Variants in ESRRG observed in about 807,000 individuals in gnomAD.
The protein encoded by ESRRG is estrogen related receptor gamma.
ESRRG carries 13 observed loss-of-function variants against 44.0 expected under a neutral mutation model. That is an observed-to-expected ratio of 0.30 (90% CI 0.19 to 0.47). The LOEUF (loss-of-function observed/expected upper bound fraction) is 0.47. ESRRG is among the 20% of genes least tolerant of loss of function. The pLI is 1.00. For missense variants in ESRRG, 395 were observed against 580.6 expected (o/e 0.68, Z 3.29); for synonymous variants, 215 against 214.6 (o/e 1.00, Z -0.02).
At chr1:216,842,957 A>G (rs2095675947) in intron 2 of ESRRG, among the ~76,000 whole-genome samples, 1 of 152,174 alleles carries the variant, frequency 6.6e-6, no homozygotes, top group South Asian at 2.1e-4. Context: ...TATGAGATAT[A>G]TATCATCAAA....
Position 216,833,758 on chromosome 1 carries a change from GT to G in ESRRG, c.-14+105823del. ...ATATATCACTGTTCATCTGAAAAGT[GT>G]TCTTCAGAGATTTTGCTGGGGAAAA... On this transcript the variant is annotated intron_variant, in intron 2 of 7. Transcript: ENST00000359162. 2.0e-5 allele frequency among the ~76,000 whole-genome samples: 3 copies of G among 152,320 alleles called. No individual in the cohort carries two copies. The East Asian group carries it at 5.8e-4, about 29-fold the overall frequency.
chr1:216,697,706 A>G (rs1299952648), intron 1 of ESRRG, among the ~76,000 whole-genome samples: 1 of 152,246 alleles, frequency 6.6e-6, no homozygotes, highest in Non-Finnish European at 1.5e-5. Context: ...ACGAGGTTAG[A>G]GCCCTCCATC....
At chr1:217,127,252 A>G (rs1310420267) in intron 1 of ESRRG, among the ~76,000 whole-genome samples, 1 of 152,280 alleles carries the variant, frequency 6.6e-6, no homozygotes, top group Non-Finnish European at 1.5e-5. Context: ...TTCTATGTTT[A>G]TTATTGCCTT....
intron 2 of ESRRG, among the ~76,000 whole-genome samples, chr1:216,762,569 TG>T (rs2092845637): frequency 1.3e-5 from 1 of 78,828 alleles, no homozygotes; most frequent in Non-Finnish European, 2.6e-5. Context: ...GTGGGGGGAG[TG>T]GGGAGGGATA....
intron 2 of ESRRG, among the ~76,000 whole-genome samples, chr1:216,803,572 CA>C (rs2094691141): frequency 6.6e-6 from 1 of 152,070 alleles, no homozygotes; most frequent in African/African-American, 2.4e-5. Context: ...TTTGTCTAGA[CA>C]TTTTTTTAGC....
chr1:216,779,234 TAAATA>T (rs1483517959), intron 2 of ESRRG, among the ~76,000 whole-genome samples: 47 of 67,068 alleles, frequency 7.0e-4, no homozygotes, highest in East Asian at 5.3e-3. Context: ...TTTATAAATA[TAAATA>T]TATATTTATA....
Position 216,537,254 on chromosome 1 carries a change from T to C in ESRRG, c.863-17833A>G, listed in dbSNP as rs115759207. Among the ~76,000 whole-genome samples the C allele has an allele frequency of 3.3e-3, 507 of 152,086 alleles. 3 individuals carry two copies. The highest frequency in any genetic ancestry group is 0.014 in the South Asian group (68 of 4,806). ...TTTGCCCCTTCTCCATAACAGAGCA[T>C]GGTGAGAAGAGAGCCATCTATGAAA... On this transcript the variant is annotated intron_variant, in intron 5 of 6. Transcript: ENST00000408911.
intron 2 of ESRRG, among the ~76,000 whole-genome samples, chr1:216,859,252 G>A (rs773937154): frequency 6.6e-6 from 1 of 152,148 alleles, no homozygotes; most frequent in African/African-American, 2.4e-5. Context: ...ATCTCTAAGA[G>A]ATTAGAAACA....
chr1:216,976,632 T>C (rs1456512459), intron 1 of ESRRG, among the ~76,000 whole-genome samples: 5 of 152,162 alleles, frequency 3.3e-5, no homozygotes, highest in African/African-American at 1.2e-4. Context: ...AGCATTCATC[T>C]CTTCATTTAC....
intron 1 of ESRRG, among the ~76,000 whole-genome samples, chr1:216,722,461 C>T (rs1406009790): frequency 1.4e-5 from 2 of 144,386 alleles, no homozygotes; most frequent in African/African-American, 5.1e-5. Context: ...ATAAAGATAT[C>T]CATAAATACT....
At position 216,900,524 on chromosome 1, in the gene ESRRG, T is replaced by C. The variant is rs576808673; in HGVS notation, c.-14+39058A>G. ...TATCTGGTGTGTGGATGCAAGAGTG[T>C]GTGTATTGTTTGGTCTGTTAAGGGG... On this transcript the variant is annotated intron_variant, in intron 2 of 7. Coordinates refer to the ESRRG transcript ENST00000359162. Among the ~76,000 whole-genome samples, 54 of 150,892 alleles carry C rather than the reference T, an allele frequency of 3.6e-4. 2 individuals are homozygous for C. In the South Asian group the frequency reaches 0.011, roughly 32 times the overall value.
intron 1 of ESRRG, among the ~76,000 whole-genome samples, chr1:216,979,409 T>C (rs2073545367): frequency 6.6e-6 from 1 of 152,134 alleles, no homozygotes; most frequent in Non-Finnish European, 1.5e-5. Flanking sequence ...CACCTGAATC[T>C]GCCATTTGCC....
upstream of ESRRG, among the ~76,000 whole-genome samples, chr1:217,092,583 T>C (rs2092364878): frequency 1.3e-5 from 2 of 152,214 alleles, no homozygotes; most frequent in East Asian, 3.9e-4. Flanking sequence ...ACTACTGGCA[T>C]CACTGAGCCA....
At chr1:216,707,644 C>G (rs2082718758) in intron 1 of ESRRG, among the ~76,000 whole-genome samples, 1 of 152,326 alleles carries the variant, frequency 6.6e-6, no homozygotes, top group South Asian at 2.1e-4. Flanking sequence ...AAATGTTTTA[C>G]ATGCATTCAC....
intron 1 of ESRRG, among the ~76,000 whole-genome samples, chr1:217,112,454 A>G (rs2092671681): frequency 6.6e-6 from 1 of 152,168 alleles, no homozygotes; most frequent in Admixed American, 6.5e-5. Flanking sequence ...TGAATTAAAT[A>G]CTGGCCAACA....
intron 6 of ESRRG, among the ~76,000 whole-genome samples, chr1:216,512,334 C>A (rs970587934): frequency 6.6e-5 from 10 of 152,130 alleles, no homozygotes; most frequent in Non-Finnish European, 1.2e-4. Flanking sequence ...CAAGACTATG[C>A]AATCTTCAAA....
At chr1:216,707,469 G>A (rs2082686241) in intron 1 of ESRRG, 1 of 1,534,522 alleles carries the variant, frequency 6.5e-7, no homozygotes, top group Non-Finnish European at 8.7e-7. Context: ...CATTCATGAT[G>A]GGAACTTTAC....
chr1:216,662,350 T>G (rs2072700359), intron 2 of ESRRG, among the ~76,000 whole-genome samples: 1 of 152,092 alleles, frequency 6.6e-6, no homozygotes, highest in South Asian at 2.1e-4. Flanking sequence ...CCAAAGAGTA[T>G]GCCATGGACT....
In ESRRG at chr1:216,677,410, T is replaced by C. The variant is rs80191163; in HGVS notation, c.138A>G (p.Pro46=). 1,701 of 1,614,152 alleles carry C rather than the reference T, an allele frequency of 1.1e-3. 16 individuals are homozygous for C. The African/African-American group carries it at 0.019, about 18-fold the overall frequency. The part of the protein sequence containing the change: ...SSFIKTEPSS[P]ASLTDSVNHH... ...GGTTGACGCTGTCCGTCAGGGAGGC[T>C]GGGCTGGAAGGTTCCGTCTTGATGA... The change falls in exon 2 of 7, where the codon CCA becomes CCG. Residue 46 remains proline (P), a synonymous_variant. Transcript: ENST00000408911.
Sources: allele counts gnomAD v4.1 joint callset (sites outside exome capture counted in the v4.1 genomes callset), GRCh38; gene constraint gnomAD v4.1.1; transcripts MANE v1.5; gene names NCBI Gene and HGNC (gene_info 2026-07-23, HGNC 2026-07-21).